The following UBALD1 variants were observed in gnomAD, a reference collection of about 807,000 sequenced individuals.
UBALD1 encodes UBA-like domain-containing protein 1.
In UBALD1, 5 loss-of-function variants were observed where a neutral mutation model predicts 16.1. The ratio of observed to expected loss-of-function variants is 0.31; its 90% CI spans 0.16 to 0.66. The LOEUF (loss-of-function observed/expected upper bound fraction) is 0.66. Ranked by LOEUF, UBALD1 falls within the 30% of genes least tolerant of loss-of-function variation. The pLI is 0.77. For synonymous variants in UBALD1, 146 were observed against 105.3 expected, an observed-to-expected ratio of 1.39 and a Z score of -2.37; for missense variants, 220 against 252.8, an observed-to-expected ratio of 0.87 and a Z score of 0.88.
At chr16:4,613,053 G>C (rs1897377442) in intron 1 of UBALD1, among the ~76,000 whole-genome samples, 1 of 152,134 alleles carries the variant, frequency 6.6e-6, no homozygotes, top group Non-Finnish European at 1.5e-5. Context: ...GCTGAGTCCT[G>C]CAGGCAGGGC....
At chr16:4,613,499 C>T (rs1897382806) in intron 1 of UBALD1, among the ~76,000 whole-genome samples, 1 of 152,146 alleles carries the variant, frequency 6.6e-6, no homozygotes, top group African/African-American at 2.4e-5. Flanking sequence ...TTCTGATCCC[C>T]CTGCAGTCCC....
chr16:4,610,017 A>C, intron 2 of UBALD1, 34 bp from the exon 3 acceptor site: 1 of 1,503,476 alleles, frequency 6.7e-7, no homozygotes, highest in Non-Finnish European at 9.1e-7. Flanking sequence ...TGGGGTGAGC[A>C]CCCCTTCCTG....
At chr16:4,611,874 GGCCCT>G (rs1012691106) in intron 1 of UBALD1, among the ~76,000 whole-genome samples, 41 of 152,152 alleles carry the variant, frequency 2.7e-4, no homozygotes, top group African/African-American at 8.4e-4. Context: ...GGGTTCTCGG[GGCCCT>G]GCCAAGTCCC....
At chr16:4,610,757 C>T in intron 1 of UBALD1, 1 of 583,694 alleles carries the variant, frequency 1.7e-6, no homozygotes, top group Non-Finnish European at 3.0e-6. Flanking sequence ...GAACCTTGGG[C>T]AGTTGGGGTG....
intron 1 of UBALD1, among the ~76,000 whole-genome samples, chr16:4,613,804 G>A (rs841188): frequency 0.15 from 22,913 of 152,166 alleles, 1,926 homozygotes; most frequent in South Asian, 0.22. Context: ...AGGCCCGGGG[G>A]AGTGGGTGCC....
chr16:4,609,502 G>C lies in UBALD1; in HGVS notation c.*131C>G. On this transcript the variant is annotated 3_prime_UTR_variant, in exon 3 of 3. Transcript: ENST00000283474. ...CCAGACGTGTCCCTGCCTGGCTAGA[G>C]TCCGCGCTCTCCCCTCCAGGGCTCC... 2 of 441,578 alleles carry C rather than the reference G, an allele frequency of 4.5e-6. No homozygotes were observed. The highest frequency in any genetic ancestry group is 7.7e-6 in the Non-Finnish European group (2 of 258,284). The allele number at this position is 441,578 out of a possible 1,614,324, so 27.4% of individuals were successfully genotyped here.
intron 1 of UBALD1, 158 bp downstream of exon 1, chr16:4,614,515 GGATCC>G (rs1227892825): frequency 8.3e-7 from 1 of 1,210,764 alleles, no homozygotes. Context: ...CGAGCCCTTG[GGATCC>G]GGACGCCGGG....
chr16:4,612,032 G>C (rs968352223), intron 1 of UBALD1, among the ~76,000 whole-genome samples: 1 of 151,500 alleles, frequency 6.6e-6, no homozygotes, highest in Non-Finnish European at 1.5e-5. Context: ...GCCTGCCCTC[G>C]ATCAGGGGGT....
At chr16:4,614,506 G>T (rs1339664995) in intron 1 of UBALD1, 172 bp downstream of exon 1, 14 of 1,150,238 alleles carry the variant, frequency 1.2e-5, no homozygotes, top group African/African-American at 3.2e-5. Context: ...CGCCCGCCGC[G>T]AGCCCTTGGG....
intron 2 of UBALD1, 199 bp from the exon 3 acceptor site, chr16:4,610,182 C>A: frequency 1.4e-6 from 1 of 716,022 alleles, no homozygotes; most frequent in Non-Finnish European, 2.5e-6. Flanking sequence ...CTCTCAGGAG[C>A]CCACGGTGCC....
chr16:4,613,188 G>A (rs1189413926), intron 1 of UBALD1, among the ~76,000 whole-genome samples: 3 of 152,132 alleles, frequency 2.0e-5, no homozygotes, highest in African/African-American at 7.2e-5. Context: ...CACAAACAGG[G>A]CTGATGAGGG....
chr16:4,609,840 T>TG lies in UBALD1; in HGVS notation c.326dup (p.His110ThrfsTer240). ...TGCTGGTGGCGGCATGGGGGAAGTG[T>TG]GGCGGGGGTGACGTGGCTGTCGCGG... On this transcript the variant is annotated frameshift_variant, in exon 3 of 3. Transcript: ENST00000283474. LOFTEE classifies it high-confidence loss of function. 1 of 1,497,038 alleles carries TG rather than the reference T, an allele frequency of 6.7e-7. No homozygotes were observed. The highest frequency in any genetic ancestry group is 8.9e-7 in the Non-Finnish European group (1 of 1,124,836). The allele number at this position is 1,497,038 out of a possible 1,614,324, so 92.7% of individuals were successfully genotyped here.
chr16:4,614,351 C>G (rs1228640361), intron 1 of UBALD1: 3 of 367,870 alleles, frequency 8.2e-6, no homozygotes, highest in Non-Finnish European at 9.7e-6. Context: ...GCCGCCCGCC[C>G]GACTGTCCGT....
At chr16:4,613,089 C>A (rs1460709930) in intron 1 of UBALD1, among the ~76,000 whole-genome samples, 2 of 152,106 alleles carry the variant, frequency 1.3e-5, no homozygotes, top group African/African-American at 4.8e-5. Flanking sequence ...CACCTACCTG[C>A]CCAGCCCCAG....
Position 4,614,771 on chromosome 16 carries a change from C to G in UBALD1, c.27G>C (p.Lys9Asn). The change falls in exon 1 of 3, where the codon AAG becomes AAC. Residue 9 changes from lysine to asparagine, a missense_variant. By Grantham distance (94) the Lys-to-Asn change is moderately conservative (BLOSUM62 0). Transcript: ENST00000283474. ...CGAACTGGTTGATCATGACCTGGTG[C>G]TTGAGCTCGTCCATGTTCACGGACA... The part of the protein sequence containing the change: MSVNMDEL[K>N]HQVMINQFVL... 1 of 1,549,324 alleles carries G rather than the reference C, an allele frequency of 6.5e-7. No homozygotes were observed. The highest frequency in any genetic ancestry group is 8.7e-7 in the Non-Finnish European group (1 of 1,150,504).
At chr16:4,610,004 A>C in intron 2 of UBALD1, 21 bp from the exon 3 acceptor site, 1 of 1,533,824 alleles carries the variant, frequency 6.5e-7, no homozygotes, top group Non-Finnish European at 8.9e-7. Context: ...AAGAGAGGAG[A>C]GATGGGGTGA....
In UBALD1 at chr16:4,613,646, C is replaced by T. The variant is rs147360309; in HGVS notation, c.120+1032G>A. Among the ~76,000 whole-genome samples, 894 of 152,274 alleles carry T rather than the reference C, an allele frequency of 5.9e-3. 3 individuals are homozygous for T. The highest frequency in any genetic ancestry group is 0.031 in the Middle Eastern group (9 of 294). On this transcript the variant is annotated intron_variant, in intron 1 of 2. Coordinates refer to ENST00000283474, the MANE Select transcript of UBALD1 (RefSeq NM_145253.3). ...GGGATGGCTGAGGCCATGACCCTAC[C>T]CCTGTGAGGGGCACAGCTCAAAGGG...
In UBALD1 at chr16:4,614,821, G is replaced by A. The variant is rs775372201; in HGVS notation, c.-24C>T. The A allele has an allele frequency of 6.7e-7, 1 of 1,486,104 alleles. No homozygotes were observed. Among genetic ancestry groups the A allele is most frequent in the Admixed American group, 2.4e-5 (1 of 41,718 alleles). 92.1% of individuals were successfully genotyped at this position (1,486,104 alleles called of 1,614,324 possible). Reference sequence around the variant, plus strand: ...ATGGCGCCGCCGCGCTGCCCGCTCCGGCCTCCCTCCTCCGCCCGCGCCTCC... The same window carrying A: ...ATGGCGCCGCCGCGCTGCCCGCTCCAGCCTCCCTCCTCCGCCCGCGCCTCC... On this transcript the variant is annotated 5_prime_UTR_variant, in exon 1 of 3. Transcript: ENST00000283474.
intron 1 of UBALD1, among the ~76,000 whole-genome samples, chr16:4,612,926 C>T (rs1897375645): frequency 6.6e-6 from 1 of 152,054 alleles, no homozygotes; most frequent in East Asian, 1.9e-4. Context: ...ATGCTCCTGC[C>T]CCTCTGGGAA....
Sources: allele counts gnomAD v4.1 joint callset (sites outside exome capture counted in the v4.1 genomes callset), GRCh38; gene constraint gnomAD v4.1.1; transcripts MANE v1.5; gene names NCBI Gene and HGNC (gene_info 2026-07-23, HGNC 2026-07-21).